The following ZDBF2 variants were observed in gnomAD, a reference collection of about 807,000 sequenced individuals.
The protein encoded by ZDBF2 is zinc finger DBF-type containing 2, also known as DBF4-type zinc finger-containing protein 2.
ZDBF2 carries 6 observed loss-of-function variants against 9.4 expected under a neutral mutation model. That is an observed-to-expected ratio of 0.64 (90% CI 0.35 to 1.27). ZDBF2 has a LOEUF of 1.27. Among genes scored for constraint, ZDBF2 ranks in the 50% most tolerant of loss-of-function variants. ZDBF2 has a pLI of 0.03. For synonymous variants in ZDBF2, 905 were observed against 946.3 expected, an observed-to-expected ratio of 0.96 and a Z score of 0.80; for missense variants, 2,697 against 2,766.8, an observed-to-expected ratio of 0.97 and a Z score of 0.57.
intron 1 of ZDBF2, among the ~76,000 whole-genome samples, chr2:206,277,308 C>CT (rs1444743022): frequency 3.0e-4 from 43 of 143,752 alleles, no homozygotes; most frequent in Non-Finnish European, 4.6e-5. Context: ...AGAAATATTT[C>CT]TTTAAAAAAA....
Position 206,313,564 on chromosome 2 carries a change from TC to T in ZDBF2, c.*1974del, listed in dbSNP as rs1693284138. The stretch of plus-strand genomic sequence containing the variant: ...TTTCCCTATGGAATAGACACATAGT[TC>T]CCTTAAATATTATTAATAGACATTC... On this transcript the variant is annotated 3_prime_UTR_variant, in exon 5 of 5. Transcript: ENST00000374423. The T allele has an allele frequency of 6.6e-6, 1 of 152,170 alleles. No homozygotes were observed. Among genetic ancestry groups the T allele is most frequent in the South Asian group, 2.1e-4 (1 of 4,830 alleles). 9.4% of individuals were successfully genotyped at this position (152,170 alleles called of 1,614,324 possible). A position where few individuals can be genotyped will look rare whatever the true frequency, so the allele number is the denominator to read the frequency against.
At chr2:206,279,849 G>A (rs1691220822) in intron 2 of ZDBF2, among the ~76,000 whole-genome samples, 1 of 152,042 alleles carries the variant, frequency 6.6e-6, no homozygotes, top group African/African-American at 2.4e-5. Flanking sequence ...CTGTCACCCA[G>A]GCTGGAGTGC....
intron 3 of ZDBF2, among the ~76,000 whole-genome samples, chr2:206,293,714 A>G (rs912765665): frequency 1.3e-5 from 2 of 152,232 alleles, no homozygotes; most frequent in African/African-American, 2.4e-5. Context: ...TGATATAACA[A>G]TAAACATCCT....
At position 206,308,098 on chromosome 2, in the gene ZDBF2, G is replaced by A; in HGVS notation, c.3570G>A (p.Lys1190=). The A allele has an allele frequency of 2.5e-6, 4 of 1,613,932 alleles. No individual in the cohort carries two copies. The highest frequency in any genetic ancestry group is 2.2e-5 in the South Asian group (2 of 91,078). ...LEQEHIELEG[K]HNQCCGSEVS... ...AGGAGCACATTGAACTAGAAGGTAA[G>A]CACAATCAATGTTGTGGTTCTGAAG... Residue 1190 remains lysine (K), a synonymous_variant, in exon 5 of 5, where the codon AAG becomes AAA. Coordinates refer to ENST00000374423, the MANE Select transcript of ZDBF2 (RefSeq NM_020923.3).
At position 206,305,851 on chromosome 2, in the gene ZDBF2, G is replaced by T. The variant is rs1692758219; in HGVS notation, c.1323G>T (p.Lys441Asn). 6 of 1,613,172 alleles carry T rather than the reference G, an allele frequency of 3.7e-6. No individual in the cohort carries two copies. The East Asian group carries it at 6.7e-5, about 18-fold the overall frequency. The change falls in exon 5 of 5, where the codon AAG becomes AAT. Residue 441 changes from lysine to asparagine, a missense_variant. By Grantham distance (94) the Lys-to-Asn change is moderately conservative. Around this residue, in one of 3 missense-constraint regions of ZDBF2, gnomAD observed 910 missense variants for 973.6 expected, o/e 0.93. Coordinates refer to ENST00000374423, the MANE Select transcript of ZDBF2 (RefSeq NM_020923.3). ...AAGTACGTACTGATGTACAGTATAAGAATAATAAATCTTATGTTTCTAAAA... is the reference window on the plus strand; with the variant it reads ...AAGTACGTACTGATGTACAGTATAATAATAATAAATCTTATGTTTCTAAAA... ...SKEVRTDVQY[K>N]NNKSYVSKIS...
intron 4 of ZDBF2, among the ~76,000 whole-genome samples, chr2:206,304,389 C>T (rs1228491902): frequency 2.6e-5 from 4 of 152,148 alleles, no homozygotes; most frequent in Non-Finnish European, 5.9e-5. Context: ...GAGGCAGAAA[C>T]TGAAGCATAC....
In ZDBF2 at chr2:206,306,726, A is replaced by G; in HGVS notation, c.2198A>G (p.Glu733Gly). ...GCTTTGGATGAAGTAAATCTTAAAG[A>G]GTTAAATATTGACATGGAAGTTAGG... ...QEALDEVNLK[E>G]LNIDMEVRSY... Residue 733 changes from glutamate (E) to glycine (G), a missense_variant, in exon 5 of 5, where the codon GAG (glutamate) becomes GGG (glycine). Glu to Gly is a moderately conservative substitution (Grantham distance 98). Transcript: ENST00000374423. 1.2e-6 allele frequency: 2 copies of G among 1,613,848 alleles called. No individual in the cohort carries two copies. Among genetic ancestry groups the G allele is most frequent in the Non-Finnish European group, 1.7e-6 (2 of 1,179,802 alleles).
At position 206,307,231 on chromosome 2, in the gene ZDBF2, G is replaced by A; in HGVS notation, c.2703G>A (p.Gln901=). 1.2e-6 allele frequency: 2 copies of A among 1,607,754 alleles called. No individual in the cohort carries two copies. Among genetic ancestry groups the A allele is most frequent in the Middle Eastern group, 1.7e-4 (1 of 6,016 alleles). Reference sequence around the variant, plus strand: ...AGCTAAATCCTCAAAAAGAAGAGCAGGTACACTTAGAAAATAAGGAAAATG... The same window carrying A: ...AGCTAAATCCTCAAAAAGAAGAGCAAGTACACTTAGAAAATAAGGAAAATG... The part of the protein sequence containing the change: ...VKKLNPQKEE[Q]VHLENKENEP... The change falls in exon 5 of 5, where the codon CAG becomes CAA. Residue 901 remains glutamine (Q), a synonymous_variant. Transcript: ENST00000374423.
rs867726207 is a variant in ZDBF2, at chr2:206,308,405, C to T, written c.3877C>T (p.Leu1293Phe). 3 of 1,613,146 alleles carry T rather than the reference C, an allele frequency of 1.9e-6. No homozygotes were observed. Among genetic ancestry groups the T allele is most frequent in the Non-Finnish European group, 2.5e-6 (3 of 1,179,632 alleles). ...SRINFDSHEPLQSVTNKIPGA... is the reference protein window; with the variant it reads ...SRINFDSHEPFQSVTNKIPGA... ...AATAAATTTTGATTCTCATGAACCC[C>T]TTCAGTCCGTAACTAATAAAATTCC... Residue 1293 changes from leucine (L) to phenylalanine (F), a missense_variant, in exon 5 of 5, where the codon CTT becomes TTT. Leu to Phe is a conservative substitution (Grantham distance 22, BLOSUM62 0). Coordinates refer to ENST00000374423, the MANE Select transcript of ZDBF2 (RefSeq NM_020923.3).
chr2:206,309,324 A>G lies in ZDBF2; in HGVS notation c.4796A>G (p.Glu1599Gly). The change falls in exon 5 of 5, where the codon GAG becomes GGG. Residue 1599 changes from glutamate (E) to glycine (G), a missense_variant. Physicochemically the swap from Glu to Gly is moderately conservative, Grantham distance 98 (BLOSUM62 -2). This residue lies in a region of ZDBF2 where 1,783 missense variants were observed against 1,776.5 expected (regional missense o/e 1.00). Transcript: ENST00000374423. The stretch of plus-strand genomic sequence containing the variant: ...CCCTCAATGACAAACCAATGCAAAG[A>G]GACTTTCAAAATAATAAACCGGAAG... ...STPSMTNQCK[E>G]TFKIINRKKD... The G allele has an allele frequency of 6.2e-7, 1 of 1,612,712 alleles. No homozygotes were observed. The highest frequency in any genetic ancestry group is 8.5e-7 in the Non-Finnish European group (1 of 1,179,400).
Position 206,309,327 on chromosome 2 carries a change from CT to C in ZDBF2, c.4802del (p.Phe1601SerfsTer3), listed in dbSNP as rs1442276006. The C allele has an allele frequency of 6.2e-7, 1 of 1,612,668 alleles. No individual in the cohort carries two copies. The highest frequency in any genetic ancestry group is 8.5e-7 in the Non-Finnish European group (1 of 1,179,420). On this transcript the variant is annotated frameshift_variant, in exon 5 of 5. Coordinates refer to ENST00000374423, the MANE Select transcript of ZDBF2 (RefSeq NM_020923.3). LOFTEE classifies it low-confidence loss of function (END_TRUNC). ...TCAATGACAAACCAATGCAAAGAGA[CT>C]TTCAAAATAATAAACCGGAAGAAGG... The part of the protein sequence containing the change: ...TPSMTNQCKE[T>X]FKIINRKKDY...
In ZDBF2 at chr2:206,308,369, A is replaced by G. The variant is rs1201525514; in HGVS notation, c.3841A>G (p.Thr1281Ala). 8 of 1,612,950 alleles carry G rather than the reference A, an allele frequency of 5.0e-6. No homozygotes were observed. Among genetic ancestry groups the G allele is most frequent in the African/African-American group, 4.0e-5 (3 of 74,860 alleles). ...VDLENKIVKP[T>A]DSRINFDSHE... ...CTTGGAAAATAAGATTGTCAAACCT[A>G]CAGATTCCAGAATAAATTTTGATTC... Residue 1281 changes from threonine (T) to alanine (A), a missense_variant, in exon 5 of 5, where the codon ACA becomes GCA. Physicochemically the swap from Thr to Ala is moderately conservative, Grantham distance 58. This residue lies in a region of ZDBF2 where 1,783 missense variants were observed against 1,776.5 expected (regional missense o/e 1.00). Coordinates refer to ENST00000374423, the MANE Select transcript of ZDBF2 (RefSeq NM_020923.3).
At chr2:206,300,856 C>G (rs772314998) in intron 4 of ZDBF2, among the ~76,000 whole-genome samples, 2 of 152,032 alleles carry the variant, frequency 1.3e-5, no homozygotes, top group Non-Finnish European at 2.9e-5. Flanking sequence ...TTCCTTTATT[C>G]TATGGGTTTT....
In ZDBF2 at chr2:206,306,644, C is replaced by T; in HGVS notation, c.2116C>T (p.Leu706=). 1 of 1,613,758 alleles carries T rather than the reference C, an allele frequency of 6.2e-7. No homozygotes were observed. Among genetic ancestry groups the T allele is most frequent in the Non-Finnish European group, 8.5e-7 (1 of 1,179,782 alleles). The change falls in exon 5 of 5, where the codon CTG becomes TTG. Residue 706 remains leucine, a synonymous_variant. Coordinates refer to ENST00000374423, the MANE Select transcript of ZDBF2 (RefSeq NM_020923.3). ...GAGTGTTCAGTCTAGCCGTTCTTCT[C>T]TGAGTTCTGATTCTCCGGCTTCTCT... ...NKSVQSSRSS[L]SSDSPASLYH...
In ZDBF2 at chr2:206,311,427, G is replaced by C; in HGVS notation, c.6899G>C (p.Arg2300Pro). ...AAGCGACCTGTGCGGGCTTCTTGCC[G>C]CGTTGCAAGAAGGAGGAAGAAGACT... ...PPKRPVRASC[R>P]VARRRKKTDE... The change falls in exon 5 of 5, where the codon CGC becomes CCC. Residue 2300 changes from arginine (R) to proline (P), a missense_variant. By Grantham distance (103) the Arg-to-Pro change is moderately radical (BLOSUM62 -2). Coordinates refer to ENST00000374423, the MANE Select transcript of ZDBF2 (RefSeq NM_020923.3). 6.2e-7 allele frequency: 1 copy of C among 1,610,972 alleles called. No individual in the cohort carries two copies. The highest frequency in any genetic ancestry group is 8.5e-7 in the Non-Finnish European group (1 of 1,178,848).
chr2:206,297,786 T>A (rs1423112530), intron 4 of ZDBF2, among the ~76,000 whole-genome samples: 2 of 152,104 alleles, frequency 1.3e-5, no homozygotes, highest in Non-Finnish European at 2.9e-5. Context: ...TTCAAGCGAT[T>A]CTCCTGCCTC....
Position 206,311,713 on chromosome 2 carries a change from A to G in ZDBF2, c.*120A>G, listed in dbSNP as rs1693204855. On this transcript the variant is annotated 3_prime_UTR_variant, in exon 5 of 5. Coordinates refer to ENST00000374423, the MANE Select transcript of ZDBF2 (RefSeq NM_020923.3). ...AAAACTAATCTTGAACTATTTTGCT[A>G]TAAATATTATTTTTCAGAATTTTTA... 3 of 1,041,770 alleles carry G rather than the reference A, an allele frequency of 2.9e-6. No homozygotes were observed. Among genetic ancestry groups the G allele is most frequent in the South Asian group, 4.8e-5 (1 of 20,986 alleles). The allele number at this position is 1,041,770 out of a possible 1,614,324, so 64.5% of individuals were successfully genotyped here. A position where few individuals can be genotyped will look rare whatever the true frequency, so the allele number is the denominator to read the frequency against.
chr2:206,309,308 A>G lies in ZDBF2; in HGVS notation c.4780A>G (p.Thr1594Ala), dbSNP rs1193264417. 1 of 1,612,652 alleles carries G rather than the reference A, an allele frequency of 6.2e-7. No homozygotes were observed. Among genetic ancestry groups the G allele is most frequent in the Non-Finnish European group, 8.5e-7 (1 of 1,179,330 alleles). ...TTGTAAAGCCTCTACTCCCTCAATG[A>G]CAAACCAATGCAAAGAGACTTTCAA... Reference protein sequence around the residue: ...CNCKASTPSMTNQCKETFKII... With the variant: ...CNCKASTPSMANQCKETFKII... Residue 1594 changes from threonine (T) to alanine (A), a missense_variant, in exon 5 of 5, where the codon ACA (threonine) becomes GCA (alanine). Thr to Ala is a moderately conservative substitution (Grantham distance 58). This residue lies in a region of ZDBF2 where 1,783 missense variants were observed against 1,776.5 expected (regional missense o/e 1.00). Coordinates refer to ENST00000374423, the MANE Select transcript of ZDBF2 (RefSeq NM_020923.3).
At chr2:206,286,874 C>T (rs540536980) in intron 3 of ZDBF2, among the ~76,000 whole-genome samples, 8 of 152,176 alleles carry the variant, frequency 5.3e-5, no homozygotes, top group Middle Eastern at 3.4e-3. Flanking sequence ...AATTGCTTTC[C>T]GGTTGTTTTA....
Sources: allele counts gnomAD v4.1 joint callset (sites outside exome capture counted in the v4.1 genomes callset), GRCh38; gene constraint gnomAD v4.1.1; regional missense constraint gnomAD v4.1.1; transcripts MANE v1.5; gene names NCBI Gene and HGNC (gene_info 2026-07-23, HGNC 2026-07-21).